The following PDE10A variants were observed in gnomAD, a reference collection of about 807,000 sequenced individuals.
PDE10A encodes the protein cAMP and cAMP-inhibited cGMP 3',5'-cyclic phosphodiesterase 10A.
Under a neutral mutation model 97.7 loss-of-function variants are expected in PDE10A, and 39 were observed. The ratio of observed to expected loss-of-function variants is 0.40; its 90% confidence interval spans 0.31 to 0.52. PDE10A has a LOEUF of 0.52. PDE10A is among the 20% of genes least tolerant of loss of function. PDE10A has a pLI of 0.56. For synonymous variants in PDE10A, 371 were observed against 376.8 expected, an observed-to-expected ratio of 0.98 and a Z score of 0.18; for missense variants, 731 against 1,047.8, an observed-to-expected ratio of 0.70 and a Z score of 4.17.
chr6:165,734,186 C>A (rs898917231), intron 1 of PDE10A, among the ~76,000 whole-genome samples: 1 of 152,204 alleles, frequency 6.6e-6, no homozygotes, highest in Non-Finnish European at 1.5e-5. Context: ...ACACAATCCT[C>A]ACACCTAACA....
chr6:165,665,179 A>C (rs1253696155), upstream of PDE10A, among the ~76,000 whole-genome samples: 1 of 152,230 alleles, frequency 6.6e-6, no homozygotes, highest in African/African-American at 2.4e-5. Flanking sequence ...TGAAATTTTC[A>C]TACATGATCT....
intron 1 of PDE10A, among the ~76,000 whole-genome samples, chr6:165,932,112 G>A (rs556481971): frequency 3.6e-4 from 55 of 152,238 alleles, no homozygotes; most frequent in African/African-American, 1.3e-3. Context: ...ACGATATACC[G>A]CCCGCTGAAG....
At chr6:165,924,628 G>A (rs886090425) in intron 1 of PDE10A, among the ~76,000 whole-genome samples, 1 of 152,196 alleles carries the variant, frequency 6.6e-6, no homozygotes, top group African/African-American at 2.4e-5. Flanking sequence ...AGCACAACGA[G>A]CACCAGAGAA....
chr6:165,463,928 T>C (rs545509516), intron 3 of PDE10A, among the ~76,000 whole-genome samples: 70 of 152,356 alleles, frequency 4.6e-4, no homozygotes, highest in African/African-American at 1.6e-3. Flanking sequence ...GCCCAACCTA[T>C]TCCTTTAATT....
At chr6:165,743,326 C>T (rs989632005) in intron 1 of PDE10A, among the ~76,000 whole-genome samples, 2 of 152,310 alleles carry the variant, frequency 1.3e-5, no homozygotes, top group Admixed American at 6.5e-5. Context: ...CTGTTAACAT[C>T]TTACGTAACC....
rs995608333 is a variant in PDE10A, at chr6:165,819,143, C to T, written c.-615+168386G>A. On this transcript the variant is annotated intron_variant, in intron 1 of 19. Transcript: ENST00000366882. The surrounding 1 kb of genome is among the most constrained non-coding windows in gnomAD (Gnocchi z 4.2). ...ACTCAGTATTTCCAAAACCAGTTTT[C>T]AAAACCGAGTTCATCTCTGCACCTG... Among the ~76,000 whole-genome samples the T allele has an allele frequency of 4.6e-5, 7 of 152,148 alleles. No homozygotes were observed. The highest frequency in any genetic ancestry group is 4.6e-4 in the Admixed American group (7 of 15,284).
At chr6:165,600,993 G>A (rs1039320275) in intron 1 of PDE10A, among the ~76,000 whole-genome samples, 2 of 152,160 alleles carry the variant, frequency 1.3e-5, no homozygotes, top group Admixed American at 6.5e-5. Flanking sequence ...GTTTGGCTAC[G>A]TCCCCACCCA....
intron 1 of PDE10A, among the ~76,000 whole-genome samples, chr6:165,691,039 G>A (rs1267411001): frequency 5.1e-5 from 7 of 136,664 alleles, no homozygotes; most frequent in South Asian, 2.4e-4. Flanking sequence ...CTGTGGTCAC[G>A]TAAGCCAATT....
chr6:165,948,153 G>A (rs116523611), intron 1 of PDE10A: 1 of 151,238 alleles, frequency 6.6e-6, no homozygotes, highest in African/African-American at 2.5e-5. Flanking sequence ...TCTGTCAATA[G>A]ACAAGAGATG....
intron 1 of PDE10A, chr6:165,894,536 A>G (rs549879347): frequency 6.6e-6 from 3 of 456,028 alleles, no homozygotes; most frequent in Non-Finnish European, 8.8e-6. Context: ...TTAATAGACC[A>G]CAAACTCAAC....
At chr6:165,787,274 G>A (rs1778522071) in intron 1 of PDE10A, among the ~76,000 whole-genome samples, 1 of 152,120 alleles carries the variant, frequency 6.6e-6, no homozygotes, top group Non-Finnish European at 1.5e-5. Context: ...GTTCCTGAGT[G>A]TTAATGAATA....
intron 1 of PDE10A, among the ~76,000 whole-genome samples, chr6:165,658,170 T>C (rs1042790415): frequency 3.3e-5 from 5 of 152,172 alleles, no homozygotes; most frequent in South Asian, 2.1e-4. Context: ...TTAAACACAT[T>C]TGCTCTTAAA....
Position 165,662,023 on chromosome 6 carries a change from G to C in PDE10A, c.789C>G (p.Phe263Leu), listed in dbSNP as rs753927670. The C allele has an allele frequency of 6.7e-7, 1 of 1,503,028 alleles. No homozygotes were observed. Among genetic ancestry groups the C allele is most frequent in the African/African-American group, 1.4e-5 (1 of 69,658 alleles). The allele number at this position is 1,503,028 out of a possible 1,614,324, so 93.1% of individuals were successfully genotyped here. A position where few individuals can be genotyped will look rare whatever the true frequency, so the allele number is the denominator to read the frequency against. Residue 263 changes from phenylalanine (F) to leucine (L), a missense_variant, in exon 1 of 22, where the codon TTC (phenylalanine) becomes TTG (leucine). Around this residue, in one of 8 missense-constraint regions of PDE10A, gnomAD observed 181 missense variants for 159.1 expected, o/e 1.14. Coordinates refer to ENST00000539869, the MANE Select transcript of PDE10A (RefSeq NM_001385079.1). ...FALAAAAALL[F>L]GSDMEDGPSN... ...AAGGTCCATCTTCCATGTCGGAGCC[G>C]AAGAGCAGCGCGGCCGCGGCGGCGA... is the stretch of plus-strand genomic sequence containing the variant.
intron 2 of PDE10A, among the ~76,000 whole-genome samples, chr6:165,515,633 C>T (rs1388430845): frequency 1.3e-5 from 2 of 150,750 alleles, no homozygotes; most frequent in African/African-American, 4.9e-5. Context: ...AAACGATTCT[C>T]CTGCCTCAGC....
intron 1 of PDE10A, among the ~76,000 whole-genome samples, chr6:165,889,912 TC>T (rs1461680018): frequency 2.8e-5 from 1 of 35,756 alleles, no homozygotes; most frequent in Non-Finnish European, 5.2e-5. Flanking sequence ...CCCTCCTCCC[TC>T]CCTCACTCCT....
chr6:165,665,262 G>A (rs563207247), upstream of PDE10A, among the ~76,000 whole-genome samples: 1 of 152,308 alleles, frequency 6.6e-6, no homozygotes, highest in South Asian at 2.1e-4. Flanking sequence ...TTTTCTTCAT[G>A]AACTTTGCTT....
In PDE10A at chr6:165,713,900, G is replaced by A. The variant is rs180722186; in HGVS notation, c.-614-170332C>T. ...AGCAATTAGAGCGCTTTATTGCTGCGGAAGATTTTTGATATGTCATAAGTA... is the reference window on the plus strand; with the variant it reads ...AGCAATTAGAGCGCTTTATTGCTGCAGAAGATTTTTGATATGTCATAAGTA... On this transcript the variant is annotated intron_variant, in intron 1 of 19. Coordinates refer to the PDE10A transcript ENST00000366882. 1.8e-4 allele frequency among the ~76,000 whole-genome samples: 28 copies of A among 152,254 alleles called. No homozygotes were observed. The East Asian group carries it at 3.3e-3, about 18-fold the overall frequency.
In PDE10A at chr6:165,903,609, G is replaced by T. The variant is rs142043114; in HGVS notation, c.-615+83920C>A. Among the ~76,000 whole-genome samples the T allele has an allele frequency of 3.7e-4, 56 of 152,318 alleles. No homozygotes were observed. The East Asian group carries it at 8.1e-3, about 22-fold the overall frequency. ...TCCATGTGCATAGATCCAGTAAACT[G>T]TTGTATAACAGGCCGCTACTCATCG... On this transcript the variant is annotated intron_variant, in intron 1 of 19. Coordinates refer to the PDE10A transcript ENST00000366882.
chr6:165,906,255 G>A (rs186759755), intron 1 of PDE10A, among the ~76,000 whole-genome samples: 99 of 151,152 alleles, frequency 6.5e-4, no homozygotes, highest in African/African-American at 2.3e-3. Flanking sequence ...CTCCAAGGGC[G>A]CAGTGGAAAG....
Sources: gnomAD v4.1 joint callset for allele counts (sites outside exome capture counted in the v4.1 genomes callset) on GRCh38, gnomAD v4.1.1 for gene constraint, gnomAD v4.1.1 regional missense constraint, Gnocchi (gnomAD v3.1) non-coding constraint, MANE v1.5 for transcripts, NCBI Gene and HGNC (gene_info 2026-07-23, HGNC 2026-07-21) for gene names.